The following GNG12 variants were observed in gnomAD, a reference collection of about 807,000 sequenced individuals.
The protein encoded by GNG12 is G protein subunit gamma 12.
For synonymous variants in GNG12, 28 were observed against 29.7 expected (o/e 0.94, Z 0.19); for missense variants, 69 against 83.8 (o/e 0.82, Z 0.69).
At chr1:67,778,831 C>T (rs1465158760) in intron 1 of GNG12, among the ~76,000 whole-genome samples, 1 of 152,130 alleles carries the variant, frequency 6.6e-6, no homozygotes, top group Non-Finnish European at 1.5e-5. Flanking sequence ...TTAATTATAA[C>T]CATCAAATGA....
At chr1:67,773,756 G>T (rs775438440) in intron 2 of GNG12, among the ~76,000 whole-genome samples, 1 of 152,168 alleles carries the variant, frequency 6.6e-6, no homozygotes, top group Non-Finnish European at 1.5e-5. Flanking sequence ...TTAGAACAGG[G>T]ATGGTAAGTA....
intron 1 of GNG12, among the ~76,000 whole-genome samples, chr1:67,829,415 T>C (rs1259260405): frequency 6.6e-6 from 1 of 152,234 alleles, no homozygotes; most frequent in African/African-American, 2.4e-5. Context: ...TCTCTTACTT[T>C]TTAAGTACTA....
intron 1 of GNG12, among the ~76,000 whole-genome samples, chr1:67,822,315 G>A (rs1490415926): frequency 6.6e-6 from 1 of 151,782 alleles, no homozygotes; most frequent in African/African-American, 2.4e-5. Context: ...TTGTCAAAAG[G>A]CCAAGGAATG....
At position 67,798,693 on chromosome 1, in the gene GNG12, C is replaced by T. The variant is rs1248603530; in HGVS notation, c.-76-21186G>A. 6.6e-4 allele frequency among the ~76,000 whole-genome samples: 100 copies of T among 152,202 alleles called. 1 individual carries two copies. The highest frequency in any genetic ancestry group is 4.6e-4 in the Non-Finnish European group (31 of 68,014). ...AAATCTGGCTGGGCACGGTGACCCA[C>T]GCCTGTAATCCCAGCACTTCGGTTG... On this transcript the variant is annotated intron_variant, in intron 1 of 3. Transcript: ENST00000370982.
chr1:67,742,430 G>A (rs1246429120), intron 2 of GNG12, among the ~76,000 whole-genome samples: 3 of 152,064 alleles, frequency 2.0e-5, no homozygotes, highest in Non-Finnish European at 4.4e-5. Flanking sequence ...TAATTCACCT[G>A]GGAAGAAAAC....
chr1:67,809,068 G>C (rs780098010), intron 1 of GNG12, among the ~76,000 whole-genome samples: 1 of 152,152 alleles, frequency 6.6e-6, no homozygotes, highest in Non-Finnish European at 1.5e-5. Flanking sequence ...AGGCAGTGTG[G>C]TATTAGTAAA....
intron 1 of GNG12, among the ~76,000 whole-genome samples, chr1:67,821,347 A>AAG (rs1646983761): frequency 6.6e-6 from 1 of 151,982 alleles, no homozygotes; most frequent in Non-Finnish European, 1.5e-5. Context: ...ACAAAAAAAA[A>AAG]CATCAGAGAG....
At chr1:67,832,782 G>C (rs1238913365) in intron 1 of GNG12, among the ~76,000 whole-genome samples, 1 of 151,116 alleles carries the variant, frequency 6.6e-6, no homozygotes, top group Non-Finnish European at 1.5e-5. Flanking sequence ...AGCGCCCAGC[G>C]GATTCCAAGG....
At chr1:67,778,692 C>T (rs1367226223) in intron 1 of GNG12, among the ~76,000 whole-genome samples, 1 of 152,160 alleles carries the variant, frequency 6.6e-6, no homozygotes, top group Admixed American at 6.5e-5. Context: ...ACATTATTTA[C>T]ACAAGACTGT....
chr1:67,802,540 T>C (rs1259419665), intron 1 of GNG12, among the ~76,000 whole-genome samples: 1 of 152,154 alleles, frequency 6.6e-6, no homozygotes, highest in Non-Finnish European at 1.5e-5. Flanking sequence ...TCTCAAAAAG[T>C]GGCACTTGTT....
At chr1:67,707,967 A>G (rs1426159748) in intron 2 of GNG12, among the ~76,000 whole-genome samples, 2 of 152,248 alleles carry the variant, frequency 1.3e-5, no homozygotes, top group Non-Finnish European at 2.9e-5. Flanking sequence ...GCACCCCAAC[A>G]TATAACACAA....
intron 2 of GNG12, 37 bp downstream of exon 2, chr1:67,777,420 GT>G (rs1646712180): frequency 1.7e-6 from 1 of 592,262 alleles, no homozygotes; most frequent in Non-Finnish European, 2.1e-6. Context: ...CAAAAATAAA[GT>G]CAAACAGTCA....
chr1:67,776,167 G>A (rs972203656), intron 2 of GNG12, among the ~76,000 whole-genome samples: 2 of 152,130 alleles, frequency 1.3e-5, no homozygotes, highest in African/African-American at 4.8e-5. Flanking sequence ...CTAGGAACTT[G>A]TTGAACTGAC....
At chr1:67,796,307 C>CT (rs1646831105) in intron 1 of GNG12, among the ~76,000 whole-genome samples, 1 of 152,180 alleles carries the variant, frequency 6.6e-6, no homozygotes, top group Non-Finnish European at 1.5e-5. Context: ...ATAACCCAGT[C>CT]TTTCCTTTTC....
At chr1:67,712,759 A>T (rs1404076603) in intron 2 of GNG12, among the ~76,000 whole-genome samples, 2 of 151,802 alleles carry the variant, frequency 1.3e-5, no homozygotes, top group African/African-American at 4.8e-5. Flanking sequence ...CACTGCGCCA[A>T]GGAAAGGATT....
chr1:67,783,252 T>C (rs1646747349), intron 1 of GNG12, among the ~76,000 whole-genome samples: 1 of 152,192 alleles, frequency 6.6e-6, no homozygotes, highest in Non-Finnish European at 1.5e-5. Context: ...TAATGCTGGA[T>C]AGTTAAGTTA....
chr1:67,734,006 G>C (rs753237188), intron 2 of GNG12, among the ~76,000 whole-genome samples: 9 of 152,156 alleles, frequency 5.9e-5, no homozygotes, highest in Non-Finnish European at 1.0e-4. Context: ...AGGGCCAACG[G>C]TTTGCACAGG....
At chr1:67,756,379 T>C (rs751181996) in intron 2 of GNG12, among the ~76,000 whole-genome samples, 22 of 152,270 alleles carry the variant, frequency 1.4e-4, no homozygotes, top group African/African-American at 4.3e-4. Flanking sequence ...GCAAGGCCAG[T>C]TGAGGGGCTG....
intron 1 of GNG12, among the ~76,000 whole-genome samples, chr1:67,819,050 G>A (rs1393129931): frequency 1.3e-5 from 2 of 152,162 alleles, no homozygotes; most frequent in African/African-American, 4.8e-5. Context: ...AATCATGCTG[G>A]TGGCAGTGTG....
Sources: gnomAD v4.1 joint callset for allele counts (sites outside exome capture counted in the v4.1 genomes callset) on GRCh38, gnomAD v4.1.1 for gene constraint, MANE v1.5 for transcripts, NCBI Gene and HGNC (gene_info 2026-07-23, HGNC 2026-07-21) for gene names.